DOCK4: variants seen among roughly 807,000 people sequenced by gnomAD.
DOCK4 encodes dedicator of cytokinesis 4.
In DOCK4, 97 loss-of-function variants were observed where a neutral mutation model predicts 268.1. The ratio of observed to expected loss-of-function variants is 0.36; its 90% CI spans 0.31 to 0.43. The LOEUF is 0.43. Among genes scored for constraint, DOCK4 ranks in the 20% least tolerant of loss-of-function variants. The pLI is 1.00. For missense variants in DOCK4, 2,145 were observed against 2,455.7 expected, an observed-to-expected ratio of 0.87 and a Z score of 2.67; for synonymous variants, 954 against 887.2, an observed-to-expected ratio of 1.08 and a Z score of -1.34.
chr7:111,900,412 C>A lies in DOCK4; in HGVS notation c.1442G>T (p.Arg481Leu). 1 of 1,613,430 alleles carries A rather than the reference C, an allele frequency of 6.2e-7. No individual in the cohort carries two copies. Among genetic ancestry groups the A allele is most frequent in the South Asian group, 1.1e-5 (1 of 90,838 alleles). Residue 481 changes from arginine (R) to leucine (L), a missense_variant, in exon 15 of 53, where the codon CGG becomes CTG. Physicochemically the swap from Arg to Leu is moderately radical, Grantham distance 102. This residue lies in a region of DOCK4 where 1,598 missense variants were observed against 1,986.7 expected (regional missense o/e 0.80). Transcript: ENST00000428084. The part of the protein sequence containing the change: ...LKLPIPVDKF[R>L]GAHIRFEFRH... ...AAACTCGAAGCGGATGTGTGCACCC[C>A]GGAATTTATCCACAGGAATGGGAAG...
intron 1 of DOCK4, among the ~76,000 whole-genome samples, chr7:112,205,041 G>T (rs772798697): frequency 4.6e-5 from 7 of 152,090 alleles, no homozygotes; most frequent in Non-Finnish European, 8.8e-5. Context: ...GGAGAGCCTG[G>T]CTTCTTAATA....
chr7:112,161,080 A>G (rs1472662624), intron 1 of DOCK4, among the ~76,000 whole-genome samples: 1 of 152,222 alleles, frequency 6.6e-6, no homozygotes, highest in Non-Finnish European at 1.5e-5. Flanking sequence ...TACTTTTGTA[A>G]GTGGCAAATT....
chr7:112,115,295 G>A (rs967976964), intron 1 of DOCK4, among the ~76,000 whole-genome samples: 1 of 152,180 alleles, frequency 6.6e-6, no homozygotes, highest in Non-Finnish European at 1.5e-5. Flanking sequence ...CCTAGCCTAG[G>A]AATAGATATT....
At chr7:111,767,525 A>G (rs7778482) in intron 37 of DOCK4, among the ~76,000 whole-genome samples, 11,975 of 152,074 alleles carry the variant, frequency 0.079, 1,508 homozygotes, top group African/African-American at 0.27. Context: ...GCGCCCGTCC[A>G]CTTCTTAATC....
chr7:112,042,684 C>G (rs932807928), intron 1 of DOCK4, among the ~76,000 whole-genome samples: 4 of 152,194 alleles, frequency 2.6e-5, no homozygotes, highest in African/African-American at 7.2e-5. Context: ...TCTGTTAACA[C>G]ACTTGATTTA....
At chr7:112,061,730 T>C (rs1028089802) in intron 1 of DOCK4, among the ~76,000 whole-genome samples, 1 of 138,454 alleles carries the variant, frequency 7.2e-6, no homozygotes, top group African/African-American at 2.8e-5. Flanking sequence ...TGGGAAGATA[T>C]TAACAATGTC....
Position 111,989,183 on chromosome 7 carries a change from G to A in DOCK4, c.316-20C>T. ...ATTACGCTAAGAAATATACAAATGTGGAGATTTGGCAGTCAGTACCTATAC... is the reference window on the plus strand; with the variant it reads ...ATTACGCTAAGAAATATACAAATGTAGAGATTTGGCAGTCAGTACCTATAC... On this transcript the variant is annotated intron_variant, in intron 5 of 52. Transcript: ENST00000428084. 1 of 1,613,512 alleles carries A rather than the reference G, an allele frequency of 6.2e-7. No individual in the cohort carries two copies. Among genetic ancestry groups the A allele is most frequent in the Non-Finnish European group, 8.5e-7 (1 of 1,179,688 alleles).
intron 13 of DOCK4, among the ~76,000 whole-genome samples, chr7:111,906,481 A>G (rs915186096): frequency 6.6e-6 from 1 of 152,112 alleles, no homozygotes; most frequent in African/African-American, 2.4e-5. Context: ...GAGCCAGAAA[A>G]CCACCACTAG....
chr7:111,863,670 G>A lies in DOCK4; in HGVS notation c.2281-106C>T. 3 of 1,159,072 alleles carry A rather than the reference G, an allele frequency of 2.6e-6. No individual in the cohort carries two copies. In the East Asian group the frequency reaches 8.1e-5, roughly 31 times the overall value. 71.8% of individuals were successfully genotyped at this position (1,159,072 alleles called of 1,614,324 possible). On this transcript the variant is annotated intron_variant, in intron 22 of 52. Coordinates refer to ENST00000428084, the MANE Select transcript of DOCK4 (RefSeq NM_001363540.2). Reference sequence around the variant, plus strand: ...CCGTGGCAAGTGTTTTTGAATGGTAGGAATAGAAGTATGAAATGTTTCTGT... The same window carrying A: ...CCGTGGCAAGTGTTTTTGAATGGTAAGAATAGAAGTATGAAATGTTTCTGT...
intron 27 of DOCK4, among the ~76,000 whole-genome samples, chr7:111,818,670 A>G (rs562725982): frequency 1.3e-5 from 2 of 152,272 alleles, no homozygotes; most frequent in East Asian, 1.9e-4. Flanking sequence ...GTCTCTCCAC[A>G]TATCAATATC....
chr7:111,911,710 G>A (rs1378832118), intron 13 of DOCK4, among the ~76,000 whole-genome samples: 3 of 152,290 alleles, frequency 2.0e-5, no homozygotes, highest in Non-Finnish European at 4.4e-5. Flanking sequence ...AGCCAGTGAA[G>A]TGTCATCTTG....
intron 1 of DOCK4, among the ~76,000 whole-genome samples, chr7:112,042,933 G>A (rs59077533): frequency 0.021 from 3,217 of 152,190 alleles, 111 homozygotes; most frequent in African/African-American, 0.073. Context: ...TCAGCCTCTC[G>A]TGCTTGTTTC....
At chr7:112,022,961 T>C (rs1215753793) in intron 1 of DOCK4, among the ~76,000 whole-genome samples, 2 of 152,094 alleles carry the variant, frequency 1.3e-5, no homozygotes, top group African/African-American at 4.8e-5. Flanking sequence ...CTGTTGCCCA[T>C]GCTGGAGTGC....
chr7:112,027,256 G>A (rs554782257), intron 1 of DOCK4, among the ~76,000 whole-genome samples: 71 of 152,052 alleles, frequency 4.7e-4, no homozygotes, highest in Middle Eastern at 3.4e-3. Flanking sequence ...AGAGAGTCTC[G>A]CTTTGTTGCC....
At chr7:112,180,016 C>T (rs1355165672) in intron 1 of DOCK4, among the ~76,000 whole-genome samples, 1 of 152,052 alleles carries the variant, frequency 6.6e-6, no homozygotes, top group Non-Finnish European at 1.5e-5. Flanking sequence ...CTGCCGGATA[C>T]TAAGTCCAAA....
chr7:112,182,166 C>T (rs1819108658), intron 1 of DOCK4, among the ~76,000 whole-genome samples: 1 of 152,156 alleles, frequency 6.6e-6, no homozygotes, highest in South Asian at 2.1e-4. Context: ...TTAACACTGC[C>T]TACCCCATAG....
chr7:112,101,276 C>T (rs535287450), intron 1 of DOCK4, among the ~76,000 whole-genome samples: 8 of 152,334 alleles, frequency 5.3e-5, no homozygotes, highest in South Asian at 2.1e-4. Flanking sequence ...ATTTCACATG[C>T]TAGTTAAGAA....
chr7:111,765,974 C>T (rs548201038), intron 38 of DOCK4, among the ~76,000 whole-genome samples: 27 of 152,250 alleles, frequency 1.8e-4, no homozygotes, highest in African/African-American at 5.5e-4. Context: ...AAGTGTAATG[C>T]TTTGGGTTTA....
intron 8 of DOCK4, among the ~76,000 whole-genome samples, chr7:111,948,500 G>T (rs560896441): frequency 6.6e-6 from 1 of 152,228 alleles, no homozygotes; most frequent in South Asian, 2.1e-4. Context: ...TACCCTTCCT[G>T]GGTTAAGAGG....
Sources: gnomAD v4.1 joint callset for allele counts (sites outside exome capture counted in the v4.1 genomes callset) on GRCh38, gnomAD v4.1.1 for gene constraint, gnomAD v4.1.1 regional missense constraint, MANE v1.5 for transcripts, NCBI Gene and HGNC (gene_info 2026-07-23, HGNC 2026-07-21) for gene names.